The following PTPRO variants were observed in gnomAD, a reference collection of about 807,000 sequenced individuals.
The protein encoded by PTPRO is receptor-type tyrosine-protein phosphatase O.
Under a neutral mutation model 145.2 loss-of-function variants are expected in PTPRO, and 62 were observed. That is an observed-to-expected ratio of 0.43 (90% confidence interval 0.35 to 0.53). PTPRO has a LOEUF of 0.53. Ranked by LOEUF, PTPRO falls within the 20% of genes least tolerant of loss-of-function variation. The pLI, the probability that PTPRO is intolerant of heterozygous loss-of-function variation, is 0.01. For missense variants in PTPRO, 1,345 were observed against 1,482.7 expected, an observed-to-expected ratio of 0.91 and a Z score of 1.53; for synonymous variants, 565 against 514.7, an observed-to-expected ratio of 1.10 and a Z score of -1.32.
intron 1 of PTPRO, among the ~76,000 whole-genome samples, chr12:15,436,440 GC>G (rs552500786): frequency 3.1e-4 from 47 of 152,286 alleles, no homozygotes; most frequent in Admixed American, 1.7e-3. Flanking sequence ...GTTTTAAACA[GC>G]CCTGTGATGG....
intron 1 of PTPRO, among the ~76,000 whole-genome samples, chr12:15,367,003 A>G (rs1033109235): frequency 1.1e-4 from 17 of 152,172 alleles, no homozygotes; most frequent in African/African-American, 4.1e-4. Context: ...CAATAAAATA[A>G]CTCTGGAACA....
intron 12 of PTPRO, among the ~76,000 whole-genome samples, chr12:15,544,790 G>A (rs1001895374): frequency 6.6e-6 from 1 of 152,202 alleles, no homozygotes; most frequent in African/African-American, 2.4e-5. Context: ...GAAGTGAGAA[G>A]TGGAAATTGA....
intron 1 of PTPRO, among the ~76,000 whole-genome samples, chr12:15,404,053 G>A (rs1006879710): frequency 6.6e-6 from 1 of 151,710 alleles, no homozygotes; most frequent in Admixed American, 6.6e-5. Context: ...AAAAATAGCC[G>A]GGCGTGGTGG....
At chr12:15,425,303 C>A (rs1484492370) in intron 1 of PTPRO, among the ~76,000 whole-genome samples, 1 of 152,130 alleles carries the variant, frequency 6.6e-6, no homozygotes, top group Non-Finnish European at 1.5e-5. Flanking sequence ...CACATTTAAT[C>A]TTCATAACAA....
chr12:15,504,957 T>G (rs1436894329), intron 6 of PTPRO, among the ~76,000 whole-genome samples: 1 of 152,138 alleles, frequency 6.6e-6, no homozygotes, highest in Non-Finnish European at 1.5e-5. Context: ...AAATGTCACC[T>G]CTGGCAAAAG....
rs1038223759 is a variant in PTPRO at position 15,443,764 on chromosome 12, C to T, written c.76-40210C>T. Among the ~76,000 whole-genome samples the T allele has an allele frequency of 4.6e-5, 7 of 151,864 alleles. No homozygotes were observed. The South Asian group carries it at 8.3e-4, about 18-fold the overall frequency. Reference sequence around the variant, plus strand: ...TCATCATCACTAATCATCAGAGAAACGCAAAACAAAACCACAATGAGATAG... The same window carrying T: ...TCATCATCACTAATCATCAGAGAAATGCAAAACAAAACCACAATGAGATAG... On this transcript the variant is annotated intron_variant, in intron 1 of 26. Transcript: ENST00000281171.
chr12:15,393,826 T>C (rs1423434696), intron 1 of PTPRO, among the ~76,000 whole-genome samples: 1 of 152,136 alleles, frequency 6.6e-6, no homozygotes, highest in Non-Finnish European at 1.5e-5. Context: ...AAGAAATCTA[T>C]TTCTTACAAT....
chr12:15,549,002 T>G, intron 13 of PTPRO, 92 bp from the exon 14 acceptor site: 1 of 1,366,834 alleles, frequency 7.3e-7, no homozygotes, highest in Non-Finnish European at 1.0e-6. Flanking sequence ...TTTTTTACTC[T>G]GTCAATCTAT....
chr12:15,433,418 C>G (rs979204115), intron 1 of PTPRO, among the ~76,000 whole-genome samples: 2 of 152,174 alleles, frequency 1.3e-5, no homozygotes, highest in Non-Finnish European at 2.9e-5. Flanking sequence ...CTCCTGACCT[C>G]ATGATCCGCC....
intron 13 of PTPRO, among the ~76,000 whole-genome samples, chr12:15,548,492 C>T (rs1052843852): frequency 6.6e-6 from 1 of 151,610 alleles, no homozygotes; most frequent in Admixed American, 6.6e-5. Flanking sequence ...ATACATATTA[C>T]ATGCATATAT....
intron 1 of PTPRO, among the ~76,000 whole-genome samples, chr12:15,374,520 C>T (rs1244297658): frequency 6.6e-6 from 1 of 152,138 alleles, no homozygotes; most frequent in African/African-American, 2.4e-5. Context: ...AAACAACAGT[C>T]TTGGAGCACT....
At chr12:15,441,805 G>T (rs1044077344) in intron 1 of PTPRO, among the ~76,000 whole-genome samples, 10 of 152,146 alleles carry the variant, frequency 6.6e-5, no homozygotes, top group Non-Finnish European at 1.0e-4. Context: ...AAATCAAGAA[G>T]AAATTGAAAC....
intron 12 of PTPRO, among the ~76,000 whole-genome samples, chr12:15,536,739 C>T (rs1177024984): frequency 6.6e-6 from 1 of 152,152 alleles, no homozygotes; most frequent in Non-Finnish European, 1.5e-5. Context: ...GACAATACCA[C>T]TTTGCAACTC....
At chr12:15,380,391 CTAAA>C in intron 1 of PTPRO, among the ~76,000 whole-genome samples, 1 of 151,718 alleles carries the variant, frequency 6.6e-6, no homozygotes, top group Non-Finnish European at 1.5e-5. Context: ...GGAAAGATAA[CTAAA>C]TGAGGCAAGG....
intron 1 of PTPRO, among the ~76,000 whole-genome samples, chr12:15,382,374 A>G (rs552999854): frequency 1.2e-4 from 18 of 152,208 alleles, no homozygotes; most frequent in African/African-American, 4.3e-4. Context: ...AGGGACATTA[A>G]CTTCCCCACA....
intron 17 of PTPRO, 110 bp from the exon 18 acceptor site, chr12:15,565,482 TA>T: frequency 4.2e-6 from 3 of 712,010 alleles, no homozygotes; most frequent in Non-Finnish European, 7.4e-6. Flanking sequence ...TAATGAAAAT[TA>T]AATAAAACTG....
chr12:15,475,944 T>A (rs912191137), intron 1 of PTPRO, among the ~76,000 whole-genome samples: 1 of 152,188 alleles, frequency 6.6e-6, no homozygotes, highest in African/African-American at 2.4e-5. Context: ...AATGAGGACA[T>A]CTCAGCTGTT....
At chr12:15,462,037 C>T (rs891552343) in intron 1 of PTPRO, among the ~76,000 whole-genome samples, 1 of 152,184 alleles carries the variant, frequency 6.6e-6, no homozygotes, top group African/African-American at 2.4e-5. Flanking sequence ...CTATGCTCAT[C>T]TTCTGTCCCT....
At chr12:15,556,870 A>G (rs1324227963) in intron 15 of PTPRO, among the ~76,000 whole-genome samples, 2 of 152,240 alleles carry the variant, frequency 1.3e-5, no homozygotes, top group Non-Finnish European at 2.9e-5. Context: ...TTCTTTTAGA[A>G]TCATGAATGC....
Sources: allele counts gnomAD v4.1 joint callset (sites outside exome capture counted in the v4.1 genomes callset), GRCh38; gene constraint gnomAD v4.1.1; transcripts MANE v1.5; gene names NCBI Gene and HGNC (gene_info 2026-07-23, HGNC 2026-07-21).